Variants in BTD observed in about 807,000 individuals in gnomAD.
BTD encodes the protein biocytinase.
A neutral mutation model predicts 17.7 loss-of-function variants in BTD; 13 were observed. The observed-to-expected ratio is 0.74, with a 90% CI of 0.48 to 1.17. The LOEUF is 1.17. Among genes scored for constraint, BTD ranks in the 50% most tolerant of loss-of-function variants. The pLI is 0.00. For synonymous variants in BTD, 240 were observed against 245.2 expected (o/e 0.98, Z 0.20); for missense variants, 674 against 650.4 (o/e 1.04, Z -0.39).
intron 3 of BTD, among the ~76,000 whole-genome samples, chr3:15,679,752 T>C (rs2067326129): frequency 6.6e-6 from 1 of 152,274 alleles, no homozygotes; most frequent in East Asian, 1.9e-4. Context: ...TCTAGGCATA[T>C]ACAACTGCAC....
rs1559592744 is a variant in BTD at position 15,635,604 on chromosome 3, T to A, written c.165T>A (p.Ala55=). 1.9e-6 allele frequency: 3 copies of A among 1,614,160 alleles called. No individual in the cohort carries two copies. Among genetic ancestry groups the A allele is most frequent in the Non-Finnish European group, 2.5e-6 (3 of 1,180,030 alleles). ...CCATCCTGAGTCTGAACCCTCTGGC[T>A]CTCATCAGCCGCCAAGAGGCCTTGG... The part of the protein sequence containing the change: ...HPSILSLNPL[A]LISRQEALEL... Residue 55 remains alanine, a synonymous_variant, in exon 2 of 4, where the codon GCT becomes GCA. Transcript: ENST00000643237. The surrounding 1 kb of genome is among the most constrained non-coding windows in gnomAD (Gnocchi z 4.1).
At chr3:15,617,367 A>G (rs2064824745) in intron 1 of BTD, among the ~76,000 whole-genome samples, 1 of 152,150 alleles carries the variant, frequency 6.6e-6, no homozygotes, top group African/African-American at 2.4e-5. Context: ...TCATCTAGCT[A>G]TTCTCCTATG....
At chr3:15,686,892 C>T (rs568021234) in intron 3 of BTD, among the ~76,000 whole-genome samples, 2 of 151,744 alleles carry the variant, frequency 1.3e-5, no homozygotes, top group Non-Finnish European at 2.9e-5. Flanking sequence ...TAATCCAGAG[C>T]TCTGACACCG....
intron 3 of BTD, among the ~76,000 whole-genome samples, chr3:15,705,143 C>T (rs1407270344): frequency 6.6e-6 from 1 of 152,082 alleles, no homozygotes; most frequent in East Asian, 1.9e-4. Context: ...GTTTAGTGTA[C>T]ATACTGAGGA....
intron 3 of BTD, among the ~76,000 whole-genome samples, chr3:15,692,149 A>T (rs1326542707): frequency 1.3e-5 from 2 of 150,878 alleles, no homozygotes; most frequent in Non-Finnish European, 3.0e-5. Context: ...CTAAATAAAA[A>T]AAAAAAAAAA....
At chr3:15,612,361 T>C (rs372023468) in intron 1 of BTD, among the ~76,000 whole-genome samples, 5 of 152,214 alleles carry the variant, frequency 3.3e-5, no homozygotes, top group Admixed American at 2.6e-4. Flanking sequence ...TTTTTTTCTT[T>C]ACTTCAACCA....
intron 3 of BTD, among the ~76,000 whole-genome samples, chr3:15,688,274 T>C (rs372647604): frequency 2.2e-4 from 33 of 152,316 alleles, no homozygotes; most frequent in East Asian, 2.1e-3. Flanking sequence ...ACAGATCCCA[T>C]CCAGTGTACA....
At position 15,646,793 on chromosome 3, in the gene BTD, A is replaced by G. The variant is rs921679760; in HGVS notation, c.*1305A>G. On this transcript the variant is annotated 3_prime_UTR_variant, in exon 4 of 4. Coordinates refer to ENST00000643237, the MANE Select transcript of BTD (RefSeq NM_001370658.1). ...TAAACATCACACGATTTTATAAAGC[A>G]AGAAAAATGAAATGATCTCCCTATT... is the stretch of plus-strand genomic sequence containing the variant. 1 of 152,212 alleles carries G rather than the reference A, an allele frequency of 6.6e-6. No homozygotes were observed. Among genetic ancestry groups the G allele is most frequent in the African/African-American group, 2.4e-5 (1 of 41,444 alleles). The allele number at this position is 152,212 out of a possible 1,614,324, so 9.4% of individuals were successfully genotyped here.
In BTD at chr3:15,663,553, T is replaced by C. The variant is rs949663218; in HGVS notation, c.399+21496T>C. Among the ~76,000 whole-genome samples the C allele has an allele frequency of 3.9e-5, 6 of 152,186 alleles. 1 individual carries two copies. The highest frequency in any genetic ancestry group is 7.3e-5 in the Non-Finnish European group (5 of 68,032). The stretch of plus-strand genomic sequence containing the variant: ...AGGCCTATTTCTTCTTGTGTACATT[T>C]TGGCAAATTGTCTTTTAAGATCCAT... On this transcript the variant is annotated intron_variant, in intron 3 of 3. Transcript: ENST00000672141.
chr3:15,705,889 C>G (rs541136089), intron 3 of BTD, among the ~76,000 whole-genome samples: 2 of 152,250 alleles, frequency 1.3e-5, no homozygotes, highest in Admixed American at 1.3e-4. Flanking sequence ...GTCCCAGCTA[C>G]TCAGGAGGCT....
chr3:15,707,864 T>A, intron 3 of BTD: 1 of 1,562,460 alleles, frequency 6.4e-7, no homozygotes, highest in Non-Finnish European at 8.7e-7. Flanking sequence ...AAAACATCCA[T>A]ATGGAAGATG....
rs1559571027 is a variant in BTD, at chr3:15,601,907, CGTGGTGCGGCGCGGAGGGGGT to C, written c.-17+19_-17+39del. On this transcript the variant is annotated intron_variant, in intron 1 of 3. Transcript: ENST00000643237. Reference sequence around the variant, plus strand: ...GCGCTAAGAGCAGGTACGGAGGGGGCGTGGTGCGGCGCGGAGGGGGTGTGGTAAGGGCGTGCGGTCCAGACC... The same window carrying C: ...GCGCTAAGAGCAGGTACGGAGGGGGCGTGGTAAGGGCGTGCGGTCCAGACC... 6 of 1,613,190 alleles carry C rather than the reference CGTGGTGCGGCGCGGAGGGGGT, an allele frequency of 3.7e-6. No individual in the cohort carries two copies. Among genetic ancestry groups the C allele is most frequent in the African/African-American group, 1.3e-5 (1 of 74,964 alleles).
intron 1 of BTD, among the ~76,000 whole-genome samples, chr3:15,616,326 T>C (rs2064789934): frequency 6.6e-6 from 1 of 152,100 alleles, no homozygotes. Context: ...TTTTAAAAAT[T>C]GTTTTGGGCC....
rs530316072 is a variant in BTD, at chr3:15,661,122, C to A, written c.399+19065C>A. On this transcript the variant is annotated intron_variant, in intron 3 of 3. Coordinates refer to the BTD transcript ENST00000672141. ...CTCTACTAAAAATACAAAAATTAGC[C>A]GGGCGTGGTGGTGCATGCCTGTAAT... Among the ~76,000 whole-genome samples the A allele has an allele frequency of 1.1e-4, 16 of 151,692 alleles. 4 individuals are homozygous for A. Among genetic ancestry groups the A allele is most frequent in the East Asian group, 1.9e-4 (1 of 5,166 alleles).
chr3:15,610,504 A>T (rs898531372), intron 1 of BTD, among the ~76,000 whole-genome samples: 3 of 152,224 alleles, frequency 2.0e-5, no homozygotes, highest in Admixed American at 6.5e-5. Context: ...TTACCATAAC[A>T]TCCAGTTGTC....
At position 15,631,864 on chromosome 3, in the gene BTD, G is replaced by T. The variant is rs2065217138; in HGVS notation, c.-16-3560G>T. ...CCTTGGTAGACTCAGGCTTTCTCTG[G>T]ATCTCACTGGCTGCTCTTATGAGTC... On this transcript the variant is annotated intron_variant, in intron 1 of 3. Transcript: ENST00000643237. 3.3e-5 allele frequency among the ~76,000 whole-genome samples: 5 copies of T among 152,188 alleles called. No individual in the cohort carries two copies. In the South Asian group the frequency reaches 8.3e-4, roughly 25 times the overall value.
intron 3 of BTD, chr3:15,642,326 A>G (rs1486328200): frequency 7.5e-7 from 1 of 1,330,278 alleles, no homozygotes; most frequent in Non-Finnish European, 9.9e-7. Context: ...AAAAGTAAAA[A>G]AAGAAAAGTT....
At chr3:15,706,099 T>A (rs1252330806) in intron 3 of BTD, among the ~76,000 whole-genome samples, 1 of 152,164 alleles carries the variant, frequency 6.6e-6, no homozygotes, top group African/African-American at 2.4e-5. Flanking sequence ...GAAATCTTTT[T>A]TTTATTGTTA....
rs539543123 is a variant in BTD, at chr3:15,602,000, G to A, written c.-17+106G>A. 13 of 1,542,148 alleles carry A rather than the reference G, an allele frequency of 8.4e-6. No homozygotes were observed. The Admixed American group carries it at 1.4e-4, about 17-fold the overall frequency. On this transcript the variant is annotated intron_variant, in intron 1 of 3. Coordinates refer to ENST00000643237, the MANE Select transcript of BTD (RefSeq NM_001370658.1). ...ACTTGGGGAGGGCTGCGCAAAGGCT[G>A]CCGGGAGCTGGGAAGCCCGGCGCGC...
Sources: gnomAD v4.1 joint callset for allele counts (sites outside exome capture counted in the v4.1 genomes callset) on GRCh38, gnomAD v4.1.1 for gene constraint, Gnocchi (gnomAD v3.1) non-coding constraint, MANE v1.5 for transcripts, NCBI Gene and HGNC (gene_info 2026-07-23, HGNC 2026-07-21) for gene names.